Variants in RLIG1 observed in about 807,000 individuals in gnomAD.
The protein encoded by RLIG1 is RNA ligase 1.
the RLIG1 span, among the ~76,000 whole-genome samples, chr12:88,047,682 T>G: frequency 2.0e-5 from 3 of 152,140 alleles, no homozygotes; most frequent in South Asian, 6.2e-4. Context: ...TCTTCACAAA[T>G]GAATGAGCAT....
chr12:88,040,078 A>C, the RLIG1 span: 1 of 776,354 alleles, frequency 1.3e-6, no homozygotes, highest in Non-Finnish European at 2.3e-6. Flanking sequence ...AGAAGATTTC[A>C]GGTGAGCATG....
chr12:88,039,424 A>G, the RLIG1 span, among the ~76,000 whole-genome samples: 7 of 152,206 alleles, frequency 4.6e-5, no homozygotes, highest in Non-Finnish European at 1.0e-4. Flanking sequence ...ATTGAAAGAT[A>G]CTTGTATTGA....
chr12:88,045,473 T>C, the RLIG1 span: 6 of 759,788 alleles, frequency 7.9e-6, no homozygotes, highest in African/African-American at 1.8e-5. Context: ...CTCTTTGCGA[T>C]AGACACCCAG....
At chr12:88,049,213 C>T in the RLIG1 span, 5 of 1,598,690 alleles carry the variant, frequency 3.1e-6, no homozygotes, top group Admixed American at 8.7e-5. Context: ...ACAGGACTTT[C>T]TTCTTCATCT....
chr12:88,038,261 C>T, the RLIG1 span, among the ~76,000 whole-genome samples: 1 of 152,040 alleles, frequency 6.6e-6, no homozygotes, highest in Non-Finnish European at 1.5e-5. Context: ...TATGAGGTCT[C>T]GTCTAAGAGG....
chr12:88,047,370 G>T, the RLIG1 span, among the ~76,000 whole-genome samples: 6 of 152,158 alleles, frequency 3.9e-5, no homozygotes, highest in African/African-American at 1.4e-4. Flanking sequence ...CTTATACTTT[G>T]TTCCCTTTCT....
chr12:88,040,202 A>G, the RLIG1 span: 2 of 1,611,354 alleles, frequency 1.2e-6, no homozygotes, highest in Non-Finnish European at 8.5e-7. Context: ...AGATGCAGAT[A>G]TATACAGTGC....
chr12:88,047,619 T>C, the RLIG1 span, among the ~76,000 whole-genome samples: 1 of 152,138 alleles, frequency 6.6e-6, no homozygotes, highest in African/African-American at 2.4e-5. Context: ...GCTTTAACTA[T>C]CATATCACCC....
chr12:88,047,981 C>G, the RLIG1 span, among the ~76,000 whole-genome samples: 26 of 152,204 alleles, frequency 1.7e-4, no homozygotes, highest in Admixed American at 4.6e-4. Flanking sequence ...ATGTTCCTGG[C>G]ATGTTTCCAG....
chr12:88,040,184 A>G, the RLIG1 span: 2 of 1,611,072 alleles, frequency 1.2e-6, no homozygotes, highest in South Asian at 1.1e-5. Flanking sequence ...TGTAAGTCAC[A>G]AGGCATTAGA....
At chr12:88,047,671 T>A in the RLIG1 span, among the ~76,000 whole-genome samples, 1 of 152,132 alleles carries the variant, frequency 6.6e-6, no homozygotes, top group East Asian at 1.9e-4. Context: ...GTCCTCTCCA[T>A]TCTTCACAAA....
the RLIG1 span, chr12:88,049,290 A>G: frequency 6.2e-7 from 1 of 1,606,648 alleles, no homozygotes; most frequent in South Asian, 1.1e-5. Context: ...AAGTTTTTTT[A>G]CCTTCTCTTC....
At chr12:88,037,501 G>A in the RLIG1 span, among the ~76,000 whole-genome samples, 3 of 152,132 alleles carry the variant, frequency 2.0e-5, no homozygotes, top group South Asian at 6.2e-4. Context: ...ATGGGGCAGA[G>A]TAATCTTCCC....
chr12:88,047,056 C>G, the RLIG1 span: 9 of 1,311,898 alleles, frequency 6.9e-6, no homozygotes, highest in South Asian at 1.3e-4. Flanking sequence ...AAAATTCTCT[C>G]TACAAATGGC....
chr12:88,036,124 G>A, the RLIG1 span: 20 of 1,296,896 alleles, frequency 1.5e-5, no homozygotes, highest in Non-Finnish European at 2.0e-5. Flanking sequence ...CAGTAAGAAA[G>A]GGTGGATATT....
the RLIG1 span, chr12:88,049,301 T>C: frequency 1.3e-6 from 2 of 1,586,894 alleles, no homozygotes; most frequent in African/African-American, 2.7e-5. Context: ...CCTTCTCTTC[T>C]AAGAGAATAT....
At chr12:88,048,494 G>A in the RLIG1 span, 5 of 853,926 alleles carry the variant, frequency 5.9e-6, no homozygotes, top group Non-Finnish European at 6.6e-6. Context: ...ATATCTCAAG[G>A]TTTCTGTTCA....
chr12:88,047,128 A>C, the RLIG1 span: 4 of 762,132 alleles, frequency 5.2e-6, no homozygotes, highest in Non-Finnish European at 8.3e-6. Context: ...CCATTTTTTA[A>C]GAGGTAAAAC....
At chr12:88,047,452 G>A in the RLIG1 span, among the ~76,000 whole-genome samples, 1 of 152,100 alleles carries the variant, frequency 6.6e-6, no homozygotes, top group Non-Finnish European at 1.5e-5. Flanking sequence ...GGGCCTAGTT[G>A]TAACTCTCTG....
Sources: allele counts gnomAD v4.1 joint callset (sites outside exome capture counted in the v4.1 genomes callset), GRCh38; gene constraint gnomAD v4.1.1; transcripts MANE v1.5; gene names NCBI Gene and HGNC (gene_info 2026-07-23, HGNC 2026-07-21).